Variants in LINGO2 observed in about 807,000 individuals in gnomAD.
The protein encoded by LINGO2 is leucine-rich repeat and immunoglobulin-like domain-containing nogo receptor-interacting protein 2.
A neutral mutation model predicts 30.6 loss-of-function variants in LINGO2; 14 were observed. The ratio of observed to expected loss-of-function variants is 0.46; its 90% CI spans 0.30 to 0.72. The LOEUF is 0.72. LINGO2 is among the 30% of genes least tolerant of loss of function. The pLI is 0.07. For synonymous variants in LINGO2, 317 were observed against 288.5 expected (o/e 1.10, Z -1.00); for missense variants, 729 against 751.7 (o/e 0.97, Z 0.35).
the LINGO2 span, among the ~76,000 whole-genome samples, chr9:29,213,591 C>T: frequency 1.3e-5 from 2 of 152,060 alleles, no homozygotes; most frequent in Admixed American, 1.3e-4. Flanking sequence ...GCTCGGGCTG[C>T]GCACACACAC....
chr9:28,128,633 G>T (rs1827302363), intron 4 of LINGO2, among the ~76,000 whole-genome samples: 1 of 152,106 alleles, frequency 6.6e-6, no homozygotes, highest in Non-Finnish European at 1.5e-5. Flanking sequence ...ATGCAGTGCT[G>T]CTCCAAGGCT....
chr9:28,959,247 A>C, the LINGO2 span, among the ~76,000 whole-genome samples: 1 of 152,164 alleles, frequency 6.6e-6, no homozygotes, highest in South Asian at 2.1e-4. Flanking sequence ...CGGTCTCAAC[A>C]TTAGAAGATG....
chr9:28,850,506 T>C, the LINGO2 span, among the ~76,000 whole-genome samples: 1 of 152,120 alleles, frequency 6.6e-6, no homozygotes, highest in African/African-American at 2.4e-5. Context: ...TAACTGCTTC[T>C]GGTCCATGAA....
chr9:28,228,599 A>T (rs1055670571), intron 4 of LINGO2, among the ~76,000 whole-genome samples: 2 of 151,968 alleles, frequency 1.3e-5, no homozygotes, highest in Admixed American at 6.6e-5. Context: ...TGCTATTTTT[A>T]AAAGTAATAT....
At chr9:28,921,587 A>G in the LINGO2 span, among the ~76,000 whole-genome samples, 16 of 152,200 alleles carry the variant, frequency 1.1e-4, no homozygotes, top group African/African-American at 3.9e-4. Flanking sequence ...ATCTGAGACT[A>G]TGCAGAAAAC....
At chr9:28,681,896 A>G in the LINGO2 span, among the ~76,000 whole-genome samples, 1 of 152,124 alleles carries the variant, frequency 6.6e-6, no homozygotes, top group Admixed American at 6.5e-5. Flanking sequence ...CAATCAACCA[A>G]CTATAAAATA....
the LINGO2 span, among the ~76,000 whole-genome samples, chr9:29,135,616 T>C: frequency 2.6e-5 from 4 of 151,676 alleles, no homozygotes; most frequent in African/African-American, 9.7e-5. Context: ...GAAGTGTACA[T>C]TTAGACATTT....
At chr9:28,659,587 A>G (rs1315555747) in intron 1 of LINGO2, among the ~76,000 whole-genome samples, 1 of 151,964 alleles carries the variant, frequency 6.6e-6, no homozygotes, top group Non-Finnish European at 1.5e-5. Flanking sequence ...AACTGGGACT[A>G]TAGGTGCATG....
chr9:28,476,226 CT>C (rs1407141649), intron 1 of LINGO2, among the ~76,000 whole-genome samples: 2 of 152,172 alleles, frequency 1.3e-5, no homozygotes, highest in Non-Finnish European at 2.9e-5. Flanking sequence ...TTATGTTTAT[CT>C]GCAATCCACG....
chr9:28,092,076 G>T (rs1193054080), intron 4 of LINGO2, among the ~76,000 whole-genome samples: 1 of 152,098 alleles, frequency 6.6e-6, no homozygotes, highest in Non-Finnish European at 1.5e-5. Context: ...GAAGAAACAG[G>T]AACACTTTTA....
At chr9:28,453,746 A>G (rs965386508) in intron 2 of LINGO2, among the ~76,000 whole-genome samples, 4 of 151,980 alleles carry the variant, frequency 2.6e-5, no homozygotes, top group African/African-American at 7.2e-5. Flanking sequence ...TTTGCTCAAG[A>G]TCTTTTTGGA....
chr9:27,938,056 C>A, the LINGO2 span: 2 of 152,134 alleles, frequency 1.3e-5, no homozygotes, highest in African/African-American at 4.8e-5. Context: ...TCCATTCAAA[C>A]TCTTGTTTCA....
the LINGO2 span, among the ~76,000 whole-genome samples, chr9:28,917,927 A>G: frequency 6.6e-6 from 1 of 152,120 alleles, no homozygotes; most frequent in Middle Eastern, 3.4e-3. Context: ...AAAGTCAAGT[A>G]GAAGTTAGGC....
the LINGO2 span, among the ~76,000 whole-genome samples, chr9:28,944,115 G>A: frequency 1.3e-5 from 2 of 152,128 alleles, no homozygotes; most frequent in Non-Finnish European, 2.9e-5. Flanking sequence ...CTTCTTCTAT[G>A]ATGTTATTCT....
At chr9:29,030,688 G>C in the LINGO2 span, among the ~76,000 whole-genome samples, 2 of 151,996 alleles carry the variant, frequency 1.3e-5, no homozygotes, top group African/African-American at 2.4e-5. Context: ...TGGTAATATT[G>C]ACAGTGTTTA....
chr9:28,992,065 A>C, the LINGO2 span, among the ~76,000 whole-genome samples: 13 of 152,324 alleles, frequency 8.5e-5, no homozygotes, highest in South Asian at 1.7e-3. Context: ...AAAGACACAG[A>C]CTGGCAAGTT....
At chr9:29,130,778 G>A in the LINGO2 span, among the ~76,000 whole-genome samples, 1 of 151,938 alleles carries the variant, frequency 6.6e-6, no homozygotes, top group Non-Finnish European at 1.5e-5. Context: ...ATGGAAGGAG[G>A]GATCAACTGC....
chr9:28,311,537 C>G (rs531462651), intron 3 of LINGO2, among the ~76,000 whole-genome samples: 1 of 150,962 alleles, frequency 6.6e-6, no homozygotes, highest in Non-Finnish European at 1.5e-5. Flanking sequence ...GGGACGCATT[C>G]TCTTTCTCAG....
chr9:28,506,407 TATATATATATATATACAC>T (rs1435364635), intron 1 of LINGO2, among the ~76,000 whole-genome samples: 3 of 5,732 alleles, frequency 5.2e-4, no homozygotes, highest in Non-Finnish European at 2.1e-3. Flanking sequence ...GACATATATA[TATATATATATATATACAC>T]ACACACACAC....
Sources: gnomAD v4.1 joint callset for allele counts (sites outside exome capture counted in the v4.1 genomes callset) on GRCh38, gnomAD v4.1.1 for gene constraint, MANE v1.5 for transcripts, NCBI Gene and HGNC (gene_info 2026-07-23, HGNC 2026-07-21) for gene names.